CACNA1D: variants seen among roughly 807,000 people sequenced by gnomAD.
CACNA1D encodes the protein voltage-dependent L-type calcium channel subunit alpha-1D.
CACNA1D carries 55 observed loss-of-function variants against 257.1 expected under a neutral mutation model. The observed-to-expected ratio is 0.21, with a 90% CI of 0.17 to 0.27. The LOEUF is 0.27. CACNA1D is among the 10% of genes least tolerant of loss of function. The probability of loss-of-function intolerance (pLI) is 1.00; values close to 1 mark genes in which losing one functional copy is unlikely to be tolerated. For missense variants in CACNA1D, 1,876 were observed against 2,784.0 expected (o/e 0.67, Z 7.34); for synonymous variants, 980 against 1,014.9 (o/e 0.97, Z 0.65).
At position 53,585,984 on chromosome 3, in the gene CACNA1D, T is replaced by A. The variant is rs549381396; in HGVS notation, c.484-64795T>A. ...GTCCCTGCCTCCGAGAACTTCGACT[T>A]CTTTCCAGATCTTCTGCTCTCTTAT... On this transcript the variant is annotated intron_variant, in intron 3 of 47. Transcript: ENST00000350061. Among the ~76,000 whole-genome samples, 4 of 152,268 alleles carry A rather than the reference T, an allele frequency of 2.6e-5. No homozygotes were observed. In the East Asian group the frequency reaches 7.7e-4, roughly 29 times the overall value.
intron 8 of CACNA1D, among the ~76,000 whole-genome samples, chr3:53,682,318 G>A (rs889688570): frequency 1.0e-4 from 14 of 139,866 alleles, no homozygotes; most frequent in African/African-American, 2.7e-4. Context: ...GCTTGAGGCC[G>A]GGAGTTTGAA....
rs1262628287 is a variant in CACNA1D, at chr3:53,789,793, G to A, written c.4923+2841G>A. ...TCCAGGATGGGCCCAAGACCTCTGC[G>A]CCCCCACCCCCAGGGAATGTTTTTT... On this transcript the variant is annotated intron_variant, in intron 40 of 47. Coordinates refer to ENST00000350061, the MANE Select transcript of CACNA1D (RefSeq NM_001128840.3). This position sits in a 1 kb window ranked among gnomAD's most constrained non-coding sequence, Gnocchi z 4.2. Among the ~76,000 whole-genome samples the A allele has an allele frequency of 2.6e-5, 4 of 152,222 alleles. No individual in the cohort carries two copies. Among genetic ancestry groups the A allele is most frequent in the Non-Finnish European group, 4.4e-5 (3 of 68,042 alleles).
intron 3 of CACNA1D, among the ~76,000 whole-genome samples, chr3:53,556,510 A>G (rs1405823766): frequency 6.6e-6 from 1 of 151,604 alleles, no homozygotes; most frequent in African/African-American, 2.4e-5. Context: ...ATGTTATGTT[A>G]TTTCATGCGC....
intron 3 of CACNA1D, among the ~76,000 whole-genome samples, chr3:53,549,267 G>A: frequency 6.6e-6 from 1 of 152,134 alleles, no homozygotes; most frequent in East Asian, 1.9e-4. Flanking sequence ...TGGTCTAATT[G>A]CTTCAAACTT....
intron 7 of CACNA1D, among the ~76,000 whole-genome samples, chr3:53,671,048 C>T (rs1413763927): frequency 6.6e-6 from 1 of 152,214 alleles, no homozygotes; most frequent in Non-Finnish European, 1.5e-5. Flanking sequence ...CTCCAGCCTT[C>T]CCCTCCAGGC....
Position 53,718,378 on chromosome 3 carries a change from G to A in CACNA1D, c.1468G>A (p.Gly490Arg). 1 of 1,613,808 alleles carries A rather than the reference G, an allele frequency of 6.2e-7. No homozygotes were observed. The highest frequency in any genetic ancestry group is 1.6e-4 in the Middle Eastern group (1 of 6,062). ...TGAAGGCGAGAACCGAGGCTGCTGTGGAAGTCTCTGGTGAGTGTGGGGAGC... is the reference window on the plus strand; with the variant it reads ...TGAAGGCGAGAACCGAGGCTGCTGTAGAAGTCTCTGGTGAGTGTGGGGAGC... ...SGEGENRGCC[G>R]SLCQAISKSK... is the part of the protein sequence containing the mutation. The change falls in exon 10 of 48, where the codon GGA becomes AGA. Residue 490 changes from glycine (G) to arginine (R), a missense_variant. Physicochemically the swap from Gly to Arg is moderately radical, Grantham distance 125 (BLOSUM62 -2). Transcript: ENST00000350061.
At chr3:53,569,000 T>G (rs1367842095) in intron 3 of CACNA1D, among the ~76,000 whole-genome samples, 1 of 152,154 alleles carries the variant, frequency 6.6e-6, no homozygotes, top group Non-Finnish European at 1.5e-5. Flanking sequence ...GCATCCTCCC[T>G]CGTTAATGCA....
At chr3:53,781,932 A>G in intron 39 of CACNA1D, 1 of 466,016 alleles carries the variant, frequency 2.1e-6, no homozygotes, top group Non-Finnish European at 3.9e-6. Context: ...GGAGGAATTA[A>G]TGTTTGAGGA....
At chr3:53,522,727 A>G (rs1376881508) in intron 3 of CACNA1D, among the ~76,000 whole-genome samples, 2 of 152,252 alleles carry the variant, frequency 1.3e-5, no homozygotes, top group East Asian at 1.9e-4. Flanking sequence ...TGTAATGATC[A>G]TAGTGGGTAA....
chr3:53,688,063 A>G (rs2094488673), intron 8 of CACNA1D, among the ~76,000 whole-genome samples: 1 of 152,236 alleles, frequency 6.6e-6, no homozygotes, highest in South Asian at 2.1e-4. Flanking sequence ...CATATGGCCA[A>G]GCAATTCCAT....
chr3:53,525,475 G>A (rs1276372624), intron 3 of CACNA1D, among the ~76,000 whole-genome samples: 1 of 152,216 alleles, frequency 6.6e-6, no homozygotes, highest in African/African-American at 2.4e-5. Context: ...ACCCAGTGGT[G>A]AAGAGTAGGT....
intron 3 of CACNA1D, among the ~76,000 whole-genome samples, chr3:53,527,513 A>G (rs2091809226): frequency 6.6e-6 from 1 of 152,220 alleles, no homozygotes; most frequent in African/African-American, 2.4e-5. Flanking sequence ...ACAACATTTC[A>G]AAGTTATGGT....
chr3:53,573,886 C>T (rs900961437), intron 3 of CACNA1D, among the ~76,000 whole-genome samples: 3 of 152,180 alleles, frequency 2.0e-5, no homozygotes, highest in African/African-American at 4.8e-5. Context: ...AGTTCAATGA[C>T]ATTACATTTG....
chr3:53,799,594 C>G (rs1241633131), intron 40 of CACNA1D, among the ~76,000 whole-genome samples: 1 of 152,224 alleles, frequency 6.6e-6, no homozygotes, highest in Non-Finnish European at 1.5e-5. Context: ...TTGGTGAGTT[C>G]TCAGCCTGCA....
At chr3:53,780,583 C>T (rs1337078676) in intron 38 of CACNA1D, among the ~76,000 whole-genome samples, 1 of 152,174 alleles carries the variant, frequency 6.6e-6, no homozygotes, top group Admixed American at 6.5e-5. Context: ...GCAAAAGCTC[C>T]TTTGCAGTGC....
chr3:53,678,947 T>TA (rs1163338799), intron 8 of CACNA1D: 1 of 152,070 alleles, frequency 6.6e-6, no homozygotes, highest in African/African-American at 2.4e-5. Context: ...TAGGCATTCT[T>TA]ATACATTTTT....
At chr3:53,516,142 G>T (rs1431717517) in intron 3 of CACNA1D, among the ~76,000 whole-genome samples, 3 of 152,164 alleles carry the variant, frequency 2.0e-5, no homozygotes, top group African/African-American at 7.2e-5. Context: ...CAAATAATGT[G>T]CGAGGGAGCT....
At chr3:53,697,217 A>G (rs1404733084) in intron 8 of CACNA1D, among the ~76,000 whole-genome samples, 1 of 152,216 alleles carries the variant, frequency 6.6e-6, no homozygotes, top group Non-Finnish European at 1.5e-5. Flanking sequence ...GCTCCAGATG[A>G]TATGTCTAGT....
chr3:53,755,496 G>A (rs569254348), intron 29 of CACNA1D, among the ~76,000 whole-genome samples: 42 of 152,312 alleles, frequency 2.8e-4, no homozygotes, highest in African/African-American at 8.2e-4. Flanking sequence ...ACAGATAGGC[G>A]ATACCAAAGG....
Sources: gnomAD v4.1 joint callset for allele counts (sites outside exome capture counted in the v4.1 genomes callset) on GRCh38, gnomAD v4.1.1 for gene constraint, Gnocchi (gnomAD v3.1) non-coding constraint, MANE v1.5 for transcripts, NCBI Gene and HGNC (gene_info 2026-07-23, HGNC 2026-07-21) for gene names.